Variants in ROR1 observed in about 807,000 individuals in gnomAD.
ROR1 encodes inactive tyrosine-protein kinase transmembrane receptor ROR1.
ROR1 carries 19 observed loss-of-function variants against 78.8 expected under a neutral mutation model. The ratio of observed to expected loss-of-function variants is 0.24; its 90% CI spans 0.17 to 0.35. ROR1 has a LOEUF of 0.35. Ranked by LOEUF, ROR1 falls within the 10% of genes least tolerant of loss-of-function variation. The pLI is 1.00. For missense variants in ROR1, 917 were observed against 1,177.8 expected, an observed-to-expected ratio of 0.78 and a Z score of 3.24; for synonymous variants, 386 against 433.6, an observed-to-expected ratio of 0.89 and a Z score of 1.36.
At chr1:64,130,007 A>G (rs1477231024) in intron 4 of ROR1, among the ~76,000 whole-genome samples, 1 of 152,186 alleles carries the variant, frequency 6.6e-6, no homozygotes, top group East Asian at 1.9e-4. Flanking sequence ...AAGGGAAAAA[A>G]ACTTCAAAAT....
At chr1:63,907,549 C>G (rs1403046132) in intron 1 of ROR1, among the ~76,000 whole-genome samples, 1 of 152,140 alleles carries the variant, frequency 6.6e-6, no homozygotes, top group Non-Finnish European at 1.5e-5. Context: ...ATGTAGGTGG[C>G]TGGGCTGTGG....
chr1:63,786,571 C>CTT (rs10530236), intron 1 of ROR1, among the ~76,000 whole-genome samples: 3,745 of 113,278 alleles, frequency 0.033, 176 homozygotes, highest in African/African-American at 0.093. Context: ...CGCGCCTGGC[C>CTT]TTTTTTTTTT....
chr1:63,798,509 G>A (rs1644776369), intron 1 of ROR1, among the ~76,000 whole-genome samples: 1 of 152,170 alleles, frequency 6.6e-6, no homozygotes, highest in Non-Finnish European at 1.5e-5. Context: ...CAGGCAGCAT[G>A]CAGTCCGCTG....
chr1:63,980,483 C>T (rs993807890), intron 1 of ROR1, among the ~76,000 whole-genome samples: 7 of 152,288 alleles, frequency 4.6e-5, no homozygotes, highest in African/African-American at 1.7e-4. Context: ...CTCCAAACAT[C>T]CTGCTTTCCG....
At chr1:63,826,931 G>A (rs571786647) in intron 1 of ROR1, among the ~76,000 whole-genome samples, 172 of 151,812 alleles carry the variant, frequency 1.1e-3, no homozygotes, top group Admixed American at 3.1e-3. Flanking sequence ...CACATTTATT[G>A]GCCACATGAT....
intron 4 of ROR1, among the ~76,000 whole-genome samples, chr1:64,122,327 C>A (rs764413004): frequency 6.6e-6 from 1 of 152,166 alleles, no homozygotes; most frequent in African/African-American, 2.4e-5. Flanking sequence ...CTCTTCAGAC[C>A]TCTTGACTTC....
intron 4 of ROR1, among the ~76,000 whole-genome samples, chr1:64,083,199 A>G (rs1647118207): frequency 6.6e-6 from 1 of 152,166 alleles, no homozygotes; most frequent in African/African-American, 2.4e-5. Flanking sequence ...TTGAAAAAGT[A>G]GAAGGAAACT....
At chr1:63,905,245 C>T (rs1645519458) in intron 1 of ROR1, among the ~76,000 whole-genome samples, 1 of 152,140 alleles carries the variant, frequency 6.6e-6, no homozygotes, top group Non-Finnish European at 1.5e-5. Context: ...TTTCCATCTC[C>T]TCAATTCTAT....
In ROR1 at chr1:64,140,218, C is replaced by A. The variant is rs200195576; in HGVS notation, c.720C>A (p.Ser240=). Residue 240 remains serine (S), a synonymous_variant, in exon 6 of 9, where the codon TCC becomes TCA. Transcript: ENST00000371079. ...YAFPYCDETS[S]VPKPRDLCRD... ...TCCCGTACTGCGATGAAACTTCATC[C>A]GTCCCAAAGCCCCGTGACTTGTGTC... 1.2e-6 allele frequency: 2 copies of A among 1,613,966 alleles called. No individual in the cohort carries two copies. The highest frequency in any genetic ancestry group is 1.7e-5 in the Admixed American group (1 of 59,996).
chr1:64,126,033 C>A (rs190507456), intron 4 of ROR1, among the ~76,000 whole-genome samples: 1 of 152,112 alleles, frequency 6.6e-6, no homozygotes, highest in Non-Finnish European at 1.5e-5. Context: ...CTAGAGAGAA[C>A]ATATTTTCTC....
At chr1:63,805,898 A>C (rs1644825504) in intron 1 of ROR1, among the ~76,000 whole-genome samples, 1 of 152,228 alleles carries the variant, frequency 6.6e-6, no homozygotes. Flanking sequence ...ATGCACCTGT[A>C]GTCCCAAATA....
At chr1:63,977,425 A>G (rs1490137991) in intron 1 of ROR1, among the ~76,000 whole-genome samples, 2 of 152,094 alleles carry the variant, frequency 1.3e-5, no homozygotes, top group African/African-American at 2.4e-5. Context: ...GTTTTGGAGC[A>G]TTTTGGATTT....
intron 1 of ROR1, among the ~76,000 whole-genome samples, chr1:63,897,594 C>A (rs1645450369): frequency 6.6e-6 from 1 of 152,144 alleles, no homozygotes; most frequent in African/African-American, 2.4e-5. Context: ...GCTATGTCTT[C>A]CATAAATATT....
intron 4 of ROR1, among the ~76,000 whole-genome samples, chr1:64,133,789 T>A (rs1055705818): frequency 6.6e-6 from 1 of 152,210 alleles, no homozygotes; most frequent in African/African-American, 2.4e-5. Flanking sequence ...ACCTTGCCAC[T>A]TGCTTCATGT....
chr1:64,000,865 C>A (rs1238341224), intron 1 of ROR1, among the ~76,000 whole-genome samples: 4 of 152,208 alleles, frequency 2.6e-5, no homozygotes, highest in Non-Finnish European at 5.9e-5. Context: ...TCTGTTGTAC[C>A]TCTGATCACA....
chr1:63,825,823 T>C (rs1644949710), intron 1 of ROR1, among the ~76,000 whole-genome samples: 2 of 152,198 alleles, frequency 1.3e-5, no homozygotes, highest in South Asian at 4.1e-4. Flanking sequence ...CCATATTCAG[T>C]AGGTTCAATT....
At chr1:64,002,515 C>T (rs1320141440) in intron 1 of ROR1, among the ~76,000 whole-genome samples, 1 of 152,060 alleles carries the variant, frequency 6.6e-6, no homozygotes, top group East Asian at 1.9e-4. Context: ...TCTATAGTTC[C>T]ATGGAAGAGA....
intron 1 of ROR1, among the ~76,000 whole-genome samples, chr1:63,842,724 A>G (rs941760335): frequency 1.3e-5 from 2 of 151,182 alleles, no homozygotes; most frequent in Admixed American, 1.3e-4. Flanking sequence ...TCCTGCTTCC[A>G]TGAGTAGCAG....
At chr1:63,999,310 G>C (rs897723036) in intron 1 of ROR1, among the ~76,000 whole-genome samples, 3 of 152,160 alleles carry the variant, frequency 2.0e-5, no homozygotes, top group African/African-American at 7.2e-5. Flanking sequence ...TCTTGGGGAG[G>C]TGCTATCCTC....
Sources: gnomAD v4.1 joint callset for allele counts (sites outside exome capture counted in the v4.1 genomes callset) on GRCh38, gnomAD v4.1.1 for gene constraint, MANE v1.5 for transcripts, NCBI Gene and HGNC (gene_info 2026-07-23, HGNC 2026-07-21) for gene names.